ERC2: variants seen among roughly 807,000 people sequenced by gnomAD.
The protein encoded by ERC2 is ERC protein 2.
ERC2 carries 42 observed loss-of-function variants against 114.8 expected under a neutral mutation model. The ratio of observed to expected loss-of-function variants is 0.37; its 90% CI spans 0.29 to 0.47. The LOEUF (loss-of-function observed/expected upper bound fraction) is 0.47. Among genes scored for constraint, ERC2 ranks in the 20% least tolerant of loss-of-function variants. The pLI is 0.99. For synonymous variants in ERC2, 454 were observed against 425.5 expected (o/e 1.07, Z -0.82); for missense variants, 939 against 1,150.7 (o/e 0.82, Z 2.66).
intron 7 of ERC2, among the ~76,000 whole-genome samples, chr3:56,054,605 T>A (rs2075919530): frequency 6.6e-6 from 1 of 152,220 alleles, no homozygotes; most frequent in Admixed American, 6.5e-5. Flanking sequence ...ATTCTCCTAA[T>A]AATCCTATGG....
intron 12 of ERC2, among the ~76,000 whole-genome samples, chr3:55,970,213 A>G (rs768012097): frequency 6.6e-6 from 1 of 152,204 alleles, no homozygotes; most frequent in Non-Finnish European, 1.5e-5. Flanking sequence ...CAACATGTTT[A>G]ATTATAATAG....
chr3:55,580,141 A>G (rs1193652049), intron 17 of ERC2, among the ~76,000 whole-genome samples: 2 of 152,168 alleles, frequency 1.3e-5, no homozygotes, highest in East Asian at 3.9e-4. Flanking sequence ...CCAACCTAAT[A>G]TATTTAAGAA....
At chr3:56,236,185 C>T (rs1359345764) in intron 3 of ERC2, among the ~76,000 whole-genome samples, 1 of 152,038 alleles carries the variant, frequency 6.6e-6, no homozygotes, top group Non-Finnish European at 1.5e-5. Context: ...CTTCATCTCT[C>T]CTTATTAAAA....
chr3:56,235,040 A>G (rs550406774), intron 3 of ERC2, among the ~76,000 whole-genome samples: 18 of 152,308 alleles, frequency 1.2e-4, no homozygotes, highest in Admixed American at 7.8e-4. Flanking sequence ...TAGCCTTGAA[A>G]CAATCAATGC....
chr3:55,718,231 C>G lies in ERC2; in HGVS notation c.2712+16540G>C, dbSNP rs535743677. On this transcript the variant is annotated intron_variant, in intron 15 of 17. Transcript: ENST00000288221. Reference sequence around the variant, plus strand: ...AACAAACCTCTAATTATGAACAGAACAAGAATCCCACTGAGATAATTTTGC... The same window carrying G: ...AACAAACCTCTAATTATGAACAGAAGAAGAATCCCACTGAGATAATTTTGC... 1.4e-3 allele frequency among the ~76,000 whole-genome samples: 206 copies of G among 152,270 alleles called. 9 individuals carry two copies. In the South Asian group the frequency reaches 0.034, roughly 25 times the overall value.
intron 6 of ERC2, among the ~76,000 whole-genome samples, chr3:56,101,101 A>G (rs2078328862): frequency 6.6e-6 from 1 of 152,232 alleles, no homozygotes; most frequent in South Asian, 2.1e-4. Flanking sequence ...TGTGAAAATA[A>G]AGATCCATTT....
At chr3:56,270,733 A>C (rs535601241) in intron 3 of ERC2, among the ~76,000 whole-genome samples, 1 of 152,378 alleles carries the variant, frequency 6.6e-6, no homozygotes, top group East Asian at 1.9e-4. Context: ...TAATCCCAGC[A>C]CTTTGGGAGG....
chr3:56,123,958 A>G (rs1246373383), intron 6 of ERC2, among the ~76,000 whole-genome samples: 1 of 152,214 alleles, frequency 6.6e-6, no homozygotes, highest in East Asian at 1.9e-4. Context: ...TTCTCAGCCA[A>G]TTTGTATTAC....
chr3:55,883,927 ACAC>A lies in ERC2; in HGVS notation c.2564+4459_2564+4461del, dbSNP rs1553717308. Among the ~76,000 whole-genome samples the A allele has an allele frequency of 6.7e-3, 974 of 144,744 alleles. 8 individuals are homozygous for A. Among genetic ancestry groups the A allele is most frequent in the African/African-American group, 0.024 (895 of 36,708 alleles). The allele number at this position is 144,744 out of a possible 152,430, so 95.0% of individuals were successfully genotyped here. A position where few individuals can be genotyped will look rare whatever the true frequency, so the allele number is the denominator to read the frequency against. On this transcript the variant is annotated intron_variant, in intron 14 of 17. Transcript: ENST00000288221. ...AACAACAACAACAACAACAACAACA[ACAC>A]CACAAAACTGGAGAAATTGGAATAA...
At chr3:56,079,518 C>G (rs1056509905) in intron 7 of ERC2, among the ~76,000 whole-genome samples, 1 of 152,166 alleles carries the variant, frequency 6.6e-6, no homozygotes, top group Admixed American at 6.5e-5. Context: ...GGAGGCCAGA[C>G]TGGCCAGAGG....
At chr3:55,877,385 G>A (rs2062904942) in intron 14 of ERC2, among the ~76,000 whole-genome samples, 1 of 152,176 alleles carries the variant, frequency 6.6e-6, no homozygotes, top group Admixed American at 6.5e-5. Flanking sequence ...GACCAGGTCA[G>A]GCGTGCCTGG....
At chr3:56,057,579 G>C (rs1300407221) in intron 7 of ERC2, among the ~76,000 whole-genome samples, 1 of 152,194 alleles carries the variant, frequency 6.6e-6, no homozygotes, top group African/African-American at 2.4e-5. Flanking sequence ...CAACTTCCCA[G>C]AACCTTGTTT....
chr3:56,148,977 C>T lies in ERC2; in HGVS notation c.1305G>A (p.Lys435=), dbSNP rs911576874. The change falls in exon 5 of 18, where the codon AAG becomes AAA. Residue 435 remains lysine (K), a splice_region_variant and synonymous_variant. Transcript: ENST00000288221. The part of the protein sequence containing the change: ...YKSHSKFMKT[K]IDQLKQELSK... ...AAAAGTTTATAACCCTGGACCGTAC[C>T]TTGGTCTTCATAAACTTGGAGTGAC... 6.8e-6 allele frequency: 11 copies of T among 1,612,796 alleles called. No homozygotes were observed. The African/African-American group carries it at 8.0e-5, about 12-fold the overall frequency.
chr3:56,437,670 T>C (rs1186417916), intron 1 of ERC2, among the ~76,000 whole-genome samples: 1 of 152,208 alleles, frequency 6.6e-6, no homozygotes, highest in Non-Finnish European at 1.5e-5. Flanking sequence ...TTGTTTTTCT[T>C]GGAAATACAC....
chr3:55,650,598 A>G (rs2060575169), intron 17 of ERC2, among the ~76,000 whole-genome samples: 1 of 152,214 alleles, frequency 6.6e-6, no homozygotes, highest in African/African-American at 2.4e-5. Flanking sequence ...AAGGTAATCT[A>G]TGAGGGCAGA....
chr3:56,372,684 C>T (rs1208407322), intron 2 of ERC2, among the ~76,000 whole-genome samples: 3 of 152,060 alleles, frequency 2.0e-5, no homozygotes, highest in African/African-American at 7.3e-5. Flanking sequence ...GCTGAGATCA[C>T]ACCACTGCAC....
chr3:56,132,726 CAG>C (rs1170194953), intron 6 of ERC2, among the ~76,000 whole-genome samples: 1 of 152,180 alleles, frequency 6.6e-6, no homozygotes, highest in African/African-American at 2.4e-5. Context: ...ATCCAACAAT[CAG>C]AGAGAACAAA....
intron 2 of ERC2, among the ~76,000 whole-genome samples, chr3:56,432,396 T>C (rs953116406): frequency 6.6e-6 from 1 of 152,076 alleles, no homozygotes. Flanking sequence ...AAAACCAGTA[T>C]AAAACTGGGG....
chr3:55,915,529 A>G (rs937224073), intron 13 of ERC2, among the ~76,000 whole-genome samples: 6 of 152,176 alleles, frequency 3.9e-5, no homozygotes, highest in African/African-American at 1.4e-4. Flanking sequence ...TGACAGCTAT[A>G]CATTTGGTTA....
Sources: gnomAD v4.1 joint callset for allele counts (sites outside exome capture counted in the v4.1 genomes callset) on GRCh38, gnomAD v4.1.1 for gene constraint, MANE v1.5 for transcripts, NCBI Gene and HGNC (gene_info 2026-07-23, HGNC 2026-07-21) for gene names.